Variants in ST14 observed in about 807,000 individuals in gnomAD.
The protein encoded by ST14 is ST14 transmembrane serine protease matriptase.
ST14 carries 40 observed loss-of-function variants against 96.5 expected under a neutral mutation model. The ratio of observed to expected loss-of-function variants is 0.41; its 90% CI spans 0.32 to 0.54. The LOEUF (loss-of-function observed/expected upper bound fraction) is 0.54. Ranked by LOEUF, ST14 falls within the 20% of genes least tolerant of loss-of-function variation. The pLI, the probability that ST14 is intolerant of heterozygous loss-of-function variation, is 0.17. For missense variants in ST14, 1,066 were observed against 1,188.9 expected, an observed-to-expected ratio of 0.90 and a Z score of 1.52; for synonymous variants, 506 against 492.1, an observed-to-expected ratio of 1.03 and a Z score of -0.37.
At chr11:130,197,000 C>A (rs940038592) in intron 11 of ST14, among the ~76,000 whole-genome samples, 16 of 152,170 alleles carry the variant, frequency 1.1e-4, no homozygotes, top group African/African-American at 3.6e-4. Flanking sequence ...TCAGGCCCAC[C>A]TTCACCGTGA....
intron 1 of ST14, among the ~76,000 whole-genome samples, chr11:130,163,497 C>T (rs1953014831): frequency 6.6e-6 from 1 of 152,218 alleles, no homozygotes; most frequent in South Asian, 2.1e-4. Flanking sequence ...GATCGATCCT[C>T]CTTGTCTCAG....
intron 16 of ST14, among the ~76,000 whole-genome samples, chr11:130,200,794 G>T (rs1953419377): frequency 6.6e-6 from 1 of 152,232 alleles, no homozygotes; most frequent in Admixed American, 6.5e-5. Context: ...ACTACAGAAA[G>T]TAAGGTTCAG....
intron 17 of ST14, 145 bp downstream of exon 17, chr11:130,208,829 G>A: frequency 9.1e-7 from 1 of 1,104,396 alleles, no homozygotes; most frequent in Non-Finnish European, 1.3e-6. Context: ...GGGCGGAATG[G>A]AGGCCTTTAG....
intron 1 of ST14, among the ~76,000 whole-genome samples, chr11:130,182,946 A>G (rs1475292869): frequency 4.9e-5 from 7 of 144,012 alleles, no homozygotes; most frequent in Non-Finnish European, 9.0e-5. Context: ...CACCGCGCCC[A>G]GCCACTTTTG....
intron 14 of ST14, 98 bp from the exon 15 acceptor site, chr11:130,198,849 T>C: frequency 1.9e-6 from 3 of 1,605,148 alleles, no homozygotes; most frequent in Non-Finnish European, 2.5e-6. Flanking sequence ...GGTGAGGGGG[T>C]AATGTGCAGG....
At chr11:130,164,863 G>A (rs1167308463) in intron 1 of ST14, among the ~76,000 whole-genome samples, 1 of 151,656 alleles carries the variant, frequency 6.6e-6, no homozygotes, top group Admixed American at 6.6e-5. Flanking sequence ...TCAGCCTCCC[G>A]AGTAGCTGGG....
chr11:130,193,584 C>T (rs1467050126), intron 7 of ST14, among the ~76,000 whole-genome samples: 1 of 152,102 alleles, frequency 6.6e-6, no homozygotes, highest in Non-Finnish European at 1.5e-5. Flanking sequence ...ATTCTCCTGC[C>T]TCAGCCTCTG....
chr11:130,191,479 C>T (rs1953298958), intron 7 of ST14, among the ~76,000 whole-genome samples: 1 of 151,820 alleles, frequency 6.6e-6, no homozygotes, highest in East Asian at 1.9e-4. Flanking sequence ...CACTTGCGGT[C>T]AGGAGTTTGA....
chr11:130,207,560 TAATAA>T (rs756724606), intron 16 of ST14, among the ~76,000 whole-genome samples: 13 of 151,902 alleles, frequency 8.6e-5, no homozygotes, highest in Non-Finnish European at 1.5e-4. Flanking sequence ...CAAAAAATAA[TAATAA>T]AATAAAATAA....
Position 130,199,999 on chromosome 11 carries a change from C to T in ST14, c.1856C>T (p.Thr619Met), listed in dbSNP as rs200800812. Residue 619 changes from threonine (T) to methionine (M), a missense_variant, in exon 16 of 19, where the codon ACG (threonine) becomes ATG (methionine). Physicochemically the swap from Thr to Met is moderately conservative, Grantham distance 81. Coordinates refer to ENST00000278742, the MANE Select transcript of ST14 (RefSeq NM_021978.4). ...FTRQARVVGG[T>M]DADEGEWPWQ... ...AGACAGGCTCGTGTTGTTGGGGGCACGGATGCGGATGAGGGCGAGTGGCCC... is the reference window on the plus strand; with the variant it reads ...AGACAGGCTCGTGTTGTTGGGGGCATGGATGCGGATGAGGGCGAGTGGCCC... The T allele has an allele frequency of 2.7e-4, 428 of 1,614,052 alleles. 4 individuals carry two copies. The East Asian group carries it at 7.1e-3, about 27-fold the overall frequency.
At position 130,188,346 on chromosome 11, in the gene ST14, C is replaced by G. The variant is rs1953259371; in HGVS notation, c.241+73C>G. 1.9e-6 allele frequency: 3 copies of G among 1,583,512 alleles called. No individual in the cohort carries two copies. Among genetic ancestry groups the G allele is most frequent in the East Asian group, 4.5e-5 (2 of 44,646 alleles). ...GTCCCTCTTCCCTCAGCGGACAGAC[C>G]CAGGGCCACCTACTGAGTACACGAG... On this transcript the variant is annotated intron_variant, in intron 2 of 18. Coordinates refer to ENST00000278742, the MANE Select transcript of ST14 (RefSeq NM_021978.4). The surrounding 1 kb of genome is among the most constrained non-coding windows in gnomAD (Gnocchi z 5.4).
Position 130,205,683 on chromosome 11 carries a change from A to G in ST14, c.1995-2727A>G, listed in dbSNP as rs138938997. On this transcript the variant is annotated intron_variant, in intron 16 of 18. Transcript: ENST00000278742. ...TAAATGTCCTCCAATCATGCCCATC[A>G]TGTTCTTCTTTAGACGTTTTTTTTT... Among the ~76,000 whole-genome samples the G allele has an allele frequency of 4.9e-4, 68 of 137,484 alleles. 1 individual carries two copies. The East Asian group carries it at 0.013, about 27-fold the overall frequency. 90.2% of individuals were successfully genotyped at this position (137,484 alleles called of 152,430 possible).
At chr11:130,207,418 G>A (rs978857379) in intron 16 of ST14, among the ~76,000 whole-genome samples, 13 of 152,230 alleles carry the variant, frequency 8.5e-5, no homozygotes, top group Non-Finnish European at 1.8e-4. Context: ...AGGCGTGGCT[G>A]CACATGCCTG....
chr11:130,165,334 A>G (rs1306849405), intron 1 of ST14, among the ~76,000 whole-genome samples: 1 of 152,252 alleles, frequency 6.6e-6, no homozygotes, highest in Non-Finnish European at 1.5e-5. Flanking sequence ...ACCATTTGGT[A>G]GGATGGGAAT....
intron 16 of ST14, among the ~76,000 whole-genome samples, chr11:130,202,150 C>T (rs1356211408): frequency 6.6e-6 from 1 of 152,232 alleles, no homozygotes; most frequent in East Asian, 1.9e-4. Flanking sequence ...TGGCTGGGTG[C>T]ATACTAAGAA....
chr11:130,201,858 G>A (rs1953432138), intron 16 of ST14, among the ~76,000 whole-genome samples: 1 of 152,246 alleles, frequency 6.6e-6, no homozygotes, highest in African/African-American at 2.4e-5. Flanking sequence ...CATTACAGAT[G>A]TGAGCCACCA....
Position 130,190,650 on chromosome 11 carries a change from G to A in ST14, c.831G>A (p.Thr277=), listed in dbSNP as rs139396245. 1.2e-5 allele frequency: 19 copies of A among 1,605,860 alleles called. No individual in the cohort carries two copies. Among genetic ancestry groups the A allele is most frequent in the African/African-American group, 2.7e-5 (2 of 74,740 alleles). ...ACGAGCGCGGCAGCGACCTGGTGAC[G>A]GTGTACAACACCCTGAGCCCCATGG... ...SCDERGSDLV[T]VYNTLSPMEP... is the part of the protein sequence containing the mutation. Residue 277 remains threonine, a synonymous_variant, in exon 7 of 19, where the codon ACG becomes ACA. Transcript: ENST00000278742.
At chr11:130,160,570 G>T (rs1174261867) in intron 1 of ST14, among the ~76,000 whole-genome samples, 2 of 152,136 alleles carry the variant, frequency 1.3e-5, no homozygotes, top group East Asian at 3.9e-4. Context: ...CATACGGGCT[G>T]GAGCTAAGAA....
At position 130,206,443 on chromosome 11, in the gene ST14, C is replaced by T. The variant is rs528107587; in HGVS notation, c.1995-1967C>T. Among the ~76,000 whole-genome samples, 6 of 151,892 alleles carry T rather than the reference C, an allele frequency of 4.0e-5. No homozygotes were observed. The East Asian group carries it at 1.2e-3, about 29-fold the overall frequency. On this transcript the variant is annotated intron_variant, in intron 16 of 18. Coordinates refer to ENST00000278742, the MANE Select transcript of ST14 (RefSeq NM_021978.4). ...GTACTTTGCCCGGCGTCTCAGCGTC[C>T]GTTGGTGATTCTCACATTGTTGATT...
Sources: allele counts gnomAD v4.1 joint callset (sites outside exome capture counted in the v4.1 genomes callset), GRCh38; gene constraint gnomAD v4.1.1; non-coding constraint Gnocchi (gnomAD v3.1); transcripts MANE v1.5; gene names NCBI Gene and HGNC (gene_info 2026-07-23, HGNC 2026-07-21).